Variants in NCAM2 observed in about 807,000 individuals in gnomAD.
NCAM2 encodes the protein N-CAM-2.
NCAM2 carries 30 observed loss-of-function variants against 98.1 expected under a neutral mutation model. The observed-to-expected ratio is 0.31, with a 90% CI of 0.23 to 0.41. NCAM2 has a LOEUF of 0.41. Ranked by LOEUF, NCAM2 falls within the 10% of genes least tolerant of loss-of-function variation. The probability of loss-of-function intolerance (pLI) is 1.00; values close to 1 mark genes in which losing one functional copy is unlikely to be tolerated. For missense variants in NCAM2, 867 were observed against 1,005.8 expected (o/e 0.86, Z 1.87); for synonymous variants, 368 against 342.4 (o/e 1.07, Z -0.83).
intron 4 of NCAM2, among the ~76,000 whole-genome samples, chr21:21,291,721 T>C (rs112112456): frequency 3.3e-5 from 5 of 151,974 alleles, no homozygotes; most frequent in African/African-American, 1.2e-4. Context: ...TTTCTAGCCC[T>C]TTTCCACCCA....
At chr21:21,224,594 TAC>T (rs762010225) in intron 1 of NCAM2, among the ~76,000 whole-genome samples, 6 of 152,286 alleles carry the variant, frequency 3.9e-5, no homozygotes, top group South Asian at 2.1e-4. Flanking sequence ...TCATTTTATA[TAC>T]ATTCATTAAA....
chr21:21,301,087 T>A (rs1328626479), intron 5 of NCAM2, among the ~76,000 whole-genome samples: 1 of 152,100 alleles, frequency 6.6e-6, no homozygotes, highest in African/African-American at 2.4e-5. Context: ...GGATTGTTTG[T>A]TTTTTGCTTG....
chr21:21,060,144 A>C (rs184988402), intron 1 of NCAM2, among the ~76,000 whole-genome samples: 51 of 152,168 alleles, frequency 3.4e-4, no homozygotes, highest in African/African-American at 1.2e-3. Context: ...ATCACAGTGT[A>C]TTTACTCCAC....
At chr21:21,281,139 A>C (rs1477519688) in intron 2 of NCAM2, among the ~76,000 whole-genome samples, 1 of 152,148 alleles carries the variant, frequency 6.6e-6, no homozygotes, top group Non-Finnish European at 1.5e-5. Flanking sequence ...CATAACTTGC[A>C]TATAAAATGA....
chr21:21,314,012 A>C (rs982777497), intron 5 of NCAM2, among the ~76,000 whole-genome samples: 2 of 152,058 alleles, frequency 1.3e-5, no homozygotes, highest in Non-Finnish European at 2.9e-5. Context: ...CCATTCATTG[A>C]AAATTCCATC....
chr21:21,459,390 A>G (rs1482213079), intron 12 of NCAM2, among the ~76,000 whole-genome samples: 1 of 150,972 alleles, frequency 6.6e-6, no homozygotes, highest in Non-Finnish European at 1.5e-5. Context: ...TCTATCTGTG[A>G]ATGAATGGTT....
intron 1 of NCAM2, among the ~76,000 whole-genome samples, chr21:21,113,108 A>AT (rs1479755871): frequency 8.2e-6 from 1 of 121,456 alleles, no homozygotes; most frequent in African/African-American, 3.3e-5. Flanking sequence ...TATCCACCAG[A>AT]TTCATGGAAT....
chr21:21,354,950 G>A (rs1006486424), intron 8 of NCAM2, among the ~76,000 whole-genome samples: 2 of 152,098 alleles, frequency 1.3e-5, no homozygotes, highest in African/African-American at 4.8e-5. Flanking sequence ...TGCTGGCCTT[G>A]GTCTTAGCCT....
At chr21:21,525,492 T>C (rs572599361) in intron 16 of NCAM2, among the ~76,000 whole-genome samples, 25 of 152,140 alleles carry the variant, frequency 1.6e-4, no homozygotes, top group Non-Finnish European at 3.7e-4. Flanking sequence ...AACAGACCTT[T>C]ATATCCATCA....
At chr21:21,360,779 T>C (rs549844891) in intron 8 of NCAM2, among the ~76,000 whole-genome samples, 3 of 152,088 alleles carry the variant, frequency 2.0e-5, no homozygotes, top group South Asian at 4.1e-4. Context: ...CAGCTGAATA[T>C]AGCTGAAGAA....
intron 8 of NCAM2, among the ~76,000 whole-genome samples, chr21:21,359,412 G>T (rs1373517267): frequency 6.6e-6 from 1 of 151,858 alleles, no homozygotes; most frequent in African/African-American, 2.4e-5. Flanking sequence ...AAGATTTTCA[G>T]AAAAGTCTAG....
intron 1 of NCAM2, among the ~76,000 whole-genome samples, chr21:21,145,991 A>G (rs1479167329): frequency 6.6e-6 from 1 of 152,192 alleles, no homozygotes; most frequent in Non-Finnish European, 1.5e-5. Flanking sequence ...AAAAATGGCA[A>G]TGTCTTTAAA....
At chr21:21,238,027 T>C (rs2147221451) in intron 1 of NCAM2, among the ~76,000 whole-genome samples, 1 of 143,178 alleles carries the variant, frequency 7.0e-6, no homozygotes, top group South Asian at 2.2e-4. Context: ...GCAGTCTCGG[T>C]TCACTGCAAC....
intron 12 of NCAM2, among the ~76,000 whole-genome samples, chr21:21,434,013 A>G (rs78126165): frequency 0.018 from 2,729 of 152,214 alleles, 89 homozygotes; most frequent in African/African-American, 0.062. Flanking sequence ...CTCCCTCCAG[A>G]CTTCTTGCAA....
chr21:21,495,106 T>A (rs1204201923), intron 15 of NCAM2, among the ~76,000 whole-genome samples: 7 of 151,822 alleles, frequency 4.6e-5, no homozygotes, highest in African/African-American at 1.7e-4. Flanking sequence ...TGTGTAGATA[T>A]TTTAAAAAGC....
At chr21:21,472,089 G>C (rs1464628777) in intron 14 of NCAM2, among the ~76,000 whole-genome samples, 1 of 151,952 alleles carries the variant, frequency 6.6e-6, no homozygotes, top group Non-Finnish European at 1.5e-5. Flanking sequence ...TTAGTACATA[G>C]ATTTTTACAT....
intron 11 of NCAM2, among the ~76,000 whole-genome samples, chr21:21,429,826 A>AAT (rs1179904344): frequency 6.6e-6 from 1 of 152,136 alleles, no homozygotes; most frequent in East Asian, 1.9e-4. Context: ...CTCTCTAAAT[A>AAT]ATTCACAGTT....
At chr21:21,126,142 T>A (rs1256322484) in intron 1 of NCAM2, among the ~76,000 whole-genome samples, 1 of 149,094 alleles carries the variant, frequency 6.7e-6, no homozygotes, top group Non-Finnish European at 1.5e-5. Flanking sequence ...CATAAATAAA[T>A]ACTTGCTTTT....
rs11398016 is a variant in NCAM2 at position 21,538,323 on chromosome 21, G to GT, written c.*367dup. The GT allele has an allele frequency of 0.41, 62,747 of 153,726 alleles. 13,471 individuals carry two copies. Among genetic ancestry groups the GT allele is most frequent in the Non-Finnish European group, 0.48 (33,412 of 68,970 alleles). The allele number at this position is 153,726 out of a possible 1,614,324, so 9.5% of individuals were successfully genotyped here. A position where few individuals can be genotyped will look rare whatever the true frequency, so the allele number is the denominator to read the frequency against. Reference sequence around the variant, plus strand: ...AATATAGGGGTTAAGGAAAAAAAACGTGAGCTACATGTGTAAGAAGGCCCT... The same window carrying GT: ...AATATAGGGGTTAAGGAAAAAAAACGTTGAGCTACATGTGTAAGAAGGCCCT... On this transcript the variant is annotated 3_prime_UTR_variant, in exon 18 of 18. Coordinates refer to ENST00000400546, the MANE Select transcript of NCAM2 (RefSeq NM_004540.5).
Sources: gnomAD v4.1 joint callset for allele counts (sites outside exome capture counted in the v4.1 genomes callset) on GRCh38, gnomAD v4.1.1 for gene constraint, MANE v1.5 for transcripts, NCBI Gene and HGNC (gene_info 2026-07-23, HGNC 2026-07-21) for gene names.